Variants in PKNOX2 observed in about 807,000 individuals in gnomAD.
PKNOX2 encodes homeobox protein PKNOX2.
In PKNOX2, 14 loss-of-function variants were observed where a neutral mutation model predicts 53.1. The ratio of observed to expected loss-of-function variants is 0.26; its 90% CI spans 0.17 to 0.41. The LOEUF is 0.41. Ranked by LOEUF, PKNOX2 falls within the 10% of genes least tolerant of loss-of-function variation. The probability of loss-of-function intolerance (pLI) is 1.00; values close to 1 mark genes in which losing one functional copy is unlikely to be tolerated. For synonymous variants in PKNOX2, 257 were observed against 242.8 expected, an observed-to-expected ratio of 1.06 and a Z score of -0.54; for missense variants, 496 against 602.8, an observed-to-expected ratio of 0.82 and a Z score of 1.85.
chr11:125,411,504 CTCT>C (rs1168376395), intron 9 of PKNOX2: 68 of 460,200 alleles, frequency 1.5e-4, no homozygotes, highest in South Asian at 5.2e-4. Flanking sequence ...CTCTCTCTCT[CTCT>C]CTCCCCCCCT....
chr11:125,230,721 G>A (rs1942139701), intron 1 of PKNOX2, among the ~76,000 whole-genome samples: 1 of 152,170 alleles, frequency 6.6e-6, no homozygotes, highest in African/African-American at 2.4e-5. Context: ...TTCTGGATTT[G>A]CCTCTCTTTT....
intron 6 of PKNOX2, among the ~76,000 whole-genome samples, chr11:125,390,831 T>C (rs897240121): frequency 1.3e-5 from 2 of 152,252 alleles, no homozygotes; most frequent in Non-Finnish European, 1.5e-5. Flanking sequence ...ATGATTTGAC[T>C]TGTCTTGCGT....
chr11:125,329,683 T>G (rs772829685), intron 2 of PKNOX2, among the ~76,000 whole-genome samples: 1 of 152,232 alleles, frequency 6.6e-6, no homozygotes, highest in Non-Finnish European at 1.5e-5. Flanking sequence ...AATGTTTGCA[T>G]GAACACTGAG....
At chr11:125,273,523 G>T (rs955682087) in intron 2 of PKNOX2, among the ~76,000 whole-genome samples, 1 of 152,140 alleles carries the variant, frequency 6.6e-6, no homozygotes, top group Non-Finnish European at 1.5e-5. Context: ...CTCAACTTTG[G>T]GCTGGATGGA....
At chr11:125,356,031 C>A (rs1160191754) in intron 4 of PKNOX2, among the ~76,000 whole-genome samples, 2 of 113,254 alleles carry the variant, frequency 1.8e-5, no homozygotes, top group African/African-American at 4.5e-5. Context: ...CTATCAGCAC[C>A]CCCCCCCCCA....
intron 1 of PKNOX2, among the ~76,000 whole-genome samples, chr11:125,169,430 C>A (rs1239878695): frequency 1.3e-5 from 2 of 152,102 alleles, no homozygotes; most frequent in African/African-American, 4.8e-5. Flanking sequence ...TTAATTAAAT[C>A]TAATACCTGG....
chr11:125,312,463 G>A (rs1297081592), intron 2 of PKNOX2, among the ~76,000 whole-genome samples: 1 of 152,234 alleles, frequency 6.6e-6, no homozygotes, highest in Non-Finnish European at 1.5e-5. Context: ...ACCAGGTTCT[G>A]TGGGAAGTCA....
At chr11:125,314,611 C>T (rs988231150) in intron 2 of PKNOX2, among the ~76,000 whole-genome samples, 3 of 152,110 alleles carry the variant, frequency 2.0e-5, no homozygotes, top group Non-Finnish European at 4.4e-5. Flanking sequence ...CCCCGAGAGC[C>T]GGGCTAGATG....
intron 2 of PKNOX2, among the ~76,000 whole-genome samples, chr11:125,289,826 C>A (rs1205596643): frequency 6.6e-5 from 10 of 152,218 alleles, no homozygotes; most frequent in Admixed American, 6.5e-4. Flanking sequence ...TCACTCGGTG[C>A]TCATTAGCTG....
intron 4 of PKNOX2, among the ~76,000 whole-genome samples, chr11:125,359,178 G>A (rs904986985): frequency 1.5e-4 from 21 of 142,860 alleles, no homozygotes; most frequent in African/African-American, 5.5e-4. Flanking sequence ...GGCAACCAAG[G>A]GTAGGTGTGA....
At chr11:125,342,691 G>A (rs1397556365) in intron 3 of PKNOX2, among the ~76,000 whole-genome samples, 1 of 152,174 alleles carries the variant, frequency 6.6e-6, no homozygotes, top group East Asian at 1.9e-4. Flanking sequence ...TTTGTCGAGG[G>A]GGACTTCAGT....
At chr11:125,334,992 T>A (rs1036991753) in intron 3 of PKNOX2, among the ~76,000 whole-genome samples, 2 of 152,120 alleles carry the variant, frequency 1.3e-5, no homozygotes, top group African/African-American at 4.8e-5. Context: ...AATGAGAGAA[T>A]GCACAAGAAT....
At chr11:125,351,587 A>T (rs1427067879) in intron 4 of PKNOX2, among the ~76,000 whole-genome samples, 195 bp downstream of exon 4, 1 of 152,172 alleles carries the variant, frequency 6.6e-6, no homozygotes, top group East Asian at 1.9e-4. Context: ...CCCCGAGGGC[A>T]GTCACCAGGT....
chr11:125,278,787 C>T (rs1443735681), intron 2 of PKNOX2, among the ~76,000 whole-genome samples: 5 of 152,324 alleles, frequency 3.3e-5, no homozygotes, highest in Middle Eastern at 3.4e-3. Context: ...AGATATCCCT[C>T]GCCAGCTCTT....
chr11:125,170,586 T>C (rs756241843), intron 1 of PKNOX2, among the ~76,000 whole-genome samples: 12 of 152,200 alleles, frequency 7.9e-5, no homozygotes, highest in Admixed American at 2.0e-4. Context: ...AAATGCGTTG[T>C]CTTCAAGGGG....
At chr11:125,211,843 T>C (rs1565470417) in intron 1 of PKNOX2, among the ~76,000 whole-genome samples, 1 of 152,084 alleles carries the variant, frequency 6.6e-6, no homozygotes, top group Non-Finnish European at 1.5e-5. Context: ...AGAATCAGTA[T>C]TGAGGGTCAG....
chr11:125,189,842 T>C (rs1956763475), intron 1 of PKNOX2: 1 of 152,102 alleles, frequency 6.6e-6, no homozygotes, highest in African/African-American at 2.4e-5. Context: ...CCCTGGTCTA[T>C]ATAATAACTA....
At chr11:125,293,431 G>A (rs1947438614) in intron 2 of PKNOX2, among the ~76,000 whole-genome samples, 1 of 152,114 alleles carries the variant, frequency 6.6e-6, no homozygotes, top group South Asian at 2.1e-4. Context: ...TGGCTCTCCT[G>A]TCCCTGGGGA....
chr11:125,186,553 G>A (rs899595559), intron 1 of PKNOX2, among the ~76,000 whole-genome samples: 2 of 152,194 alleles, frequency 1.3e-5, no homozygotes, highest in Admixed American at 6.5e-5. Context: ...TCAGGAGGTT[G>A]AGATGGGAGG....
Sources: allele counts gnomAD v4.1 joint callset (sites outside exome capture counted in the v4.1 genomes callset), GRCh38; gene constraint gnomAD v4.1.1; transcripts MANE v1.5; gene names NCBI Gene and HGNC (gene_info 2026-07-23, HGNC 2026-07-21).